The following USO1 variants were observed in gnomAD, a reference collection of about 807,000 sequenced individuals.
The protein encoded by USO1 is general vesicular transport factor p115.
In USO1, 57 loss-of-function variants were observed where a neutral mutation model predicts 124.5. The ratio of observed to expected loss-of-function variants is 0.46; its 90% CI spans 0.37 to 0.57. The LOEUF is 0.57. Ranked by LOEUF, USO1 falls within the 20% of genes least tolerant of loss-of-function variation. The pLI is 0.00. For missense variants in USO1, 900 were observed against 1,040.6 expected (o/e 0.86, Z 1.86); for synonymous variants, 369 against 362.8 (o/e 1.02, Z -0.19).
intron 8 of USO1, among the ~76,000 whole-genome samples, chr4:75,782,446 A>C (rs1177431282): frequency 6.6e-6 from 1 of 152,202 alleles, no homozygotes; most frequent in African/African-American, 2.4e-5. Flanking sequence ...AAGATAAACA[A>C]TGAGTTACTA....
intron 4 of USO1, among the ~76,000 whole-genome samples, chr4:75,761,440 A>G (rs1355080299): frequency 6.6e-6 from 1 of 152,156 alleles, no homozygotes; most frequent in Non-Finnish European, 1.5e-5. Flanking sequence ...CAAACAAACA[A>G]AAATCTATAA....
intron 1 of USO1, among the ~76,000 whole-genome samples, chr4:75,742,597 A>C (rs971519577): frequency 2.6e-5 from 4 of 152,240 alleles, no homozygotes; most frequent in Non-Finnish European, 5.9e-5. Context: ...TTTCAAGTAC[A>C]GAATGGTTGA....
intron 3 of USO1, among the ~76,000 whole-genome samples, chr4:75,756,783 G>A (rs554347968): frequency 4.3e-4 from 65 of 151,866 alleles, no homozygotes; most frequent in Non-Finnish European, 8.4e-4. Context: ...AAAGTGCTGG[G>A]ATTACAGGCG....
chr4:75,791,375 T>G (rs887215685), intron 12 of USO1, among the ~76,000 whole-genome samples: 1 of 152,042 alleles, frequency 6.6e-6, no homozygotes, highest in Non-Finnish European at 1.5e-5. Context: ...AATACAAAAA[T>G]TAGCTGGGCG....
At chr4:75,781,340 G>A (rs573899452) in intron 8 of USO1, among the ~76,000 whole-genome samples, 8 of 152,282 alleles carry the variant, frequency 5.3e-5, no homozygotes, top group African/African-American at 1.9e-4. Context: ...TGGTGAAGAT[G>A]CTGTGAACAT....
At chr4:75,775,337 G>A (rs1054012317) in intron 8 of USO1, among the ~76,000 whole-genome samples, 4 of 152,110 alleles carry the variant, frequency 2.6e-5, no homozygotes, top group African/African-American at 4.8e-5. Context: ...CCAGGAGTTC[G>A]AGACCAGTCG....
At chr4:75,770,756 G>A (rs1057096586) in intron 5 of USO1, 66 bp from the exon 6 acceptor site, 2 of 1,570,590 alleles carry the variant, frequency 1.3e-6, no homozygotes, top group Non-Finnish European at 1.7e-6. Context: ...AGTTATTAGT[G>A]GAAAAAATGT....
intron 1 of USO1, among the ~76,000 whole-genome samples, chr4:75,730,381 T>C (rs1720595852): frequency 6.6e-6 from 1 of 152,184 alleles, no homozygotes; most frequent in South Asian, 2.1e-4. Context: ...AAGCAGGCAC[T>C]GTGTTATAGT....
chr4:75,781,699 A>T (rs1722225520), intron 8 of USO1, among the ~76,000 whole-genome samples: 1 of 152,126 alleles, frequency 6.6e-6, no homozygotes. Flanking sequence ...TGTGTAGAGA[A>T]ACTCTATTTG....
Position 75,752,546 on chromosome 4 carries a change from C to G in USO1, c.160C>G (p.Arg54Gly). Residue 54 changes from arginine to glycine, a missense_variant, in exon 3 of 24, where the codon CGC becomes GGC. Physicochemically the swap from Arg to Gly is moderately radical, Grantham distance 125. This residue lies in a region of USO1 where 538 missense variants were observed against 681.6 expected (regional missense o/e 0.79). Transcript: ENST00000514213. ...RALKSLSKKY[R>G]LEVGIQAMEH... is the part of the protein sequence containing the mutation. The stretch of plus-strand genomic sequence containing the variant: ...TTTTATTTTTTATGTGCAGAAATAC[C>G]GCTTGGAAGTGGGTATACAAGCTAT... The G allele has an allele frequency of 5.0e-6, 2 of 398,356 alleles. No individual in the cohort carries two copies. Among genetic ancestry groups the G allele is most frequent in the Admixed American group, 8.8e-5 (2 of 22,718 alleles). The allele number at this position is 398,356 out of a possible 1,614,324, so 24.7% of individuals were successfully genotyped here.
At chr4:75,792,370 C>G (rs1722556077) in intron 12 of USO1, among the ~76,000 whole-genome samples, 1 of 152,174 alleles carries the variant, frequency 6.6e-6, no homozygotes, top group African/African-American at 2.4e-5. Flanking sequence ...AAACCCATCT[C>G]TATTAAAAAT....
chr4:75,755,004 G>T (rs1005971139), intron 3 of USO1, among the ~76,000 whole-genome samples: 1 of 152,162 alleles, frequency 6.6e-6, no homozygotes, highest in Non-Finnish European at 1.5e-5. Flanking sequence ...GCTTGACTGG[G>T]GCTGGAGGAT....
rs145108113 is a variant in USO1, at chr4:75,810,674, C to G, written c.2583+135C>G. 8 of 1,113,538 alleles carry G rather than the reference C, an allele frequency of 7.2e-6. No homozygotes were observed. The African/African-American group carries it at 1.1e-4, about 16-fold the overall frequency. The allele number at this position is 1,113,538 out of a possible 1,614,324, so 69.0% of individuals were successfully genotyped here. On this transcript the variant is annotated intron_variant, in intron 22 of 23. Transcript: ENST00000514213. ...AATTTTATCTCACAACATTTTCACT[C>G]CTATATTGATGATTTAAGATGGCAC...
At chr4:75,736,118 T>C (rs1720781480) in intron 1 of USO1, among the ~76,000 whole-genome samples, 1 of 152,104 alleles carries the variant, frequency 6.6e-6, no homozygotes, top group Admixed American at 6.6e-5. Context: ...AAAGTTTAAG[T>C]TCTCTTTACT....
intron 1 of USO1, among the ~76,000 whole-genome samples, chr4:75,729,088 A>G (rs10029110): frequency 0.9 from 137,125 of 152,232 alleles, 61,892 homozygotes; most frequent in African/African-American, 0.97. Context: ...GAGCCACGGC[A>G]CCTGGCCCCA....
intron 14 of USO1, 78 bp from the exon 15 acceptor site, chr4:75,800,273 G>A (rs550764426): frequency 5.5e-6 from 8 of 1,466,312 alleles, no homozygotes; most frequent in African/African-American, 1.4e-5. Context: ...CTTATGTGAA[G>A]TATTAATGTA....
rs759677490 is a variant in USO1, at chr4:75,771,071, G to A, written c.500-11G>A. Reference sequence around the variant, plus strand: ...GTCTGCCAGCATTTTTCACATGGTTGTATGTTCTAGGTGTTTCAAGATTGA... The same window carrying A: ...GTCTGCCAGCATTTTTCACATGGTTATATGTTCTAGGTGTTTCAAGATTGA... On this transcript the variant is annotated splice_polypyrimidine_tract_variant and intron_variant, in intron 6 of 23. Coordinates refer to ENST00000514213, the MANE Select transcript of USO1 (RefSeq NM_003715.4). 2 of 1,609,780 alleles carry A rather than the reference G, an allele frequency of 1.2e-6. No homozygotes were observed. Among genetic ancestry groups the A allele is most frequent in the Non-Finnish European group, 1.7e-6 (2 of 1,178,858 alleles).
chr4:75,788,177 T>TA (rs758837374), intron 10 of USO1, among the ~76,000 whole-genome samples: 14,314 of 144,674 alleles, frequency 0.099, 826 homozygotes, highest in Middle Eastern at 0.17. Context: ...ATTTATTTTT[T>TA]TTTTTTTTTG....
chr4:75,728,215 C>A (rs1720520302), intron 1 of USO1, among the ~76,000 whole-genome samples: 1 of 150,366 alleles, frequency 6.7e-6, no homozygotes, highest in African/African-American at 2.5e-5. Flanking sequence ...TGACTGCTTT[C>A]TTGTTTTTTT....
Sources: gnomAD v4.1 joint callset for allele counts (sites outside exome capture counted in the v4.1 genomes callset) on GRCh38, gnomAD v4.1.1 for gene constraint, gnomAD v4.1.1 regional missense constraint, MANE v1.5 for transcripts, NCBI Gene and HGNC (gene_info 2026-07-23, HGNC 2026-07-21) for gene names.